ADAMTSL1: variants seen among roughly 807,000 people sequenced by gnomAD.
The protein encoded by ADAMTSL1 is ADAMTS-like protein 1.
In ADAMTSL1, 126 loss-of-function variants were observed where a neutral mutation model predicts 201.8. That is an observed-to-expected ratio of 0.62 (90% CI 0.54 to 0.72). ADAMTSL1 has a LOEUF of 0.72. Among genes scored for constraint, ADAMTSL1 ranks in the 30% least tolerant of loss-of-function variants. ADAMTSL1 has a pLI of 0.00. For missense variants in ADAMTSL1, 2,679 were observed against 2,277.8 expected, an observed-to-expected ratio of 1.18 and a Z score of -3.59; for synonymous variants, 1,121 against 903.4, an observed-to-expected ratio of 1.24 and a Z score of -4.32.
intron 4 of ADAMTSL1, among the ~76,000 whole-genome samples, chr9:18,617,650 ATAAG>A (rs541675812): frequency 9.9e-4 from 151 of 152,318 alleles, no homozygotes; most frequent in African/African-American, 3.5e-3. Context: ...ATATATGTAT[ATAAG>A]AGAGGGTACA....
intron 2 of ADAMTSL1, among the ~76,000 whole-genome samples, chr9:18,414,005 AC>A (rs1194378693): frequency 6.6e-6 from 1 of 152,238 alleles, no homozygotes; most frequent in African/African-American, 2.4e-5. Flanking sequence ...ACAGTGAGTG[AC>A]AAAAGAGCAA....
intron 19 of ADAMTSL1, among the ~76,000 whole-genome samples, chr9:18,781,414 C>A (rs947704864): frequency 2.6e-5 from 4 of 152,276 alleles, no homozygotes; most frequent in African/African-American, 9.6e-5. Flanking sequence ...CCTTTCTGAC[C>A]TTTGACATCA....
rs1406356648 is a variant in ADAMTSL1, at chr9:17,911,620, G to T, written c.87+4698G>T. 2.6e-4 allele frequency among the ~76,000 whole-genome samples: 18 copies of T among 68,490 alleles called. 8 individuals carry two copies. Among genetic ancestry groups the T allele is most frequent in the Non-Finnish European group, 4.9e-4 (11 of 22,362 alleles). 44.9% of individuals were successfully genotyped at this position (68,490 alleles called of 152,430 possible). On this transcript the variant is annotated intron_variant, in intron 1 of 29. Coordinates refer to the ADAMTSL1 transcript ENST00000680146. ...TTCAGTAATAAAATAAATACTTCCTGGTTGGCTGGAAAGAATTGCGCCTTT... is the reference window on the plus strand; with the variant it reads ...TTCAGTAATAAAATAAATACTTCCTTGTTGGCTGGAAAGAATTGCGCCTTT...
At chr9:18,780,916 T>C (rs550050599) in intron 19 of ADAMTSL1, among the ~76,000 whole-genome samples, 28 of 152,358 alleles carry the variant, frequency 1.8e-4, no homozygotes, top group African/African-American at 6.7e-4. Flanking sequence ...CTTTTAAGCA[T>C]TCCAATGTGT....
chr9:18,187,145 C>T (rs544361971), intron 2 of ADAMTSL1, among the ~76,000 whole-genome samples: 2 of 152,234 alleles, frequency 1.3e-5, no homozygotes, highest in South Asian at 4.1e-4. Flanking sequence ...TGCAGCCCCT[C>T]AGTCATGGGC....
At chr9:18,665,937 C>A (rs1164269117) in intron 9 of ADAMTSL1, among the ~76,000 whole-genome samples, 12 of 152,110 alleles carry the variant, frequency 7.9e-5, no homozygotes, top group Non-Finnish European at 1.5e-5. Context: ...CGCAGATAAC[C>A]TCTGTTAATG....
chr9:18,847,327 T>C (rs7859917), intron 23 of ADAMTSL1, among the ~76,000 whole-genome samples: 63,059 of 151,974 alleles, frequency 0.41, 14,376 homozygotes, highest in African/African-American at 0.62. Context: ...TTCCATGCAC[T>C]GATACAACAG....
intron 20 of ADAMTSL1, among the ~76,000 whole-genome samples, chr9:18,800,018 C>T (rs1822683394): frequency 6.6e-6 from 1 of 152,070 alleles, no homozygotes; most frequent in African/African-American, 2.4e-5. Context: ...GAGTTAGGCT[C>T]ACAGAGGACC....
chr9:18,252,895 T>C (rs1436856102), intron 2 of ADAMTSL1, among the ~76,000 whole-genome samples: 1 of 152,182 alleles, frequency 6.6e-6, no homozygotes, highest in African/African-American at 2.4e-5. Context: ...GGAGAATCTC[T>C]GGAAAGCAAG....
intron 2 of ADAMTSL1, among the ~76,000 whole-genome samples, chr9:18,517,384 A>T (rs977217138): frequency 6.6e-6 from 1 of 151,542 alleles, no homozygotes; most frequent in Non-Finnish European, 1.5e-5. Flanking sequence ...ATTTAATTTC[A>T]TTTTAAACTT....
chr9:18,235,086 T>C (rs1252357068), intron 2 of ADAMTSL1, among the ~76,000 whole-genome samples: 1 of 152,218 alleles, frequency 6.6e-6, no homozygotes, highest in East Asian at 1.9e-4. Context: ...TTCATTTCTC[T>C]TTCCCTAATT....
At chr9:18,782,305 T>G (rs1193737683) in intron 19 of ADAMTSL1, among the ~76,000 whole-genome samples, 3 of 152,210 alleles carry the variant, frequency 2.0e-5, no homozygotes, top group Non-Finnish European at 4.4e-5. Context: ...CAGGTATACA[T>G]CGACTTGCTG....
intron 10 of ADAMTSL1, among the ~76,000 whole-genome samples, chr9:18,679,628 C>G (rs931919968): frequency 6.6e-6 from 1 of 152,172 alleles, no homozygotes. Flanking sequence ...CCAAGAGTTA[C>G]TTACTGGAGG....
intron 1 of ADAMTSL1, among the ~76,000 whole-genome samples, chr9:18,136,314 A>G (rs1156287750): frequency 2.6e-5 from 4 of 152,188 alleles, no homozygotes; most frequent in Non-Finnish European, 5.9e-5. Context: ...AATGCAGGCA[A>G]TCAGCTGCCA....
At chr9:18,712,979 A>G (rs1177561128) in intron 14 of ADAMTSL1, among the ~76,000 whole-genome samples, 5 of 151,748 alleles carry the variant, frequency 3.3e-5, no homozygotes, top group Non-Finnish European at 5.9e-5. Flanking sequence ...TCAACCCAGA[A>G]TTTCATATCC....
At chr9:18,699,401 T>C (rs1038242887) in intron 13 of ADAMTSL1, among the ~76,000 whole-genome samples, 1 of 150,664 alleles carries the variant, frequency 6.6e-6, no homozygotes, top group Non-Finnish European at 1.5e-5. Flanking sequence ...CAGAGCTCAC[T>C]GTAACCTTGA....
intron 1 of ADAMTSL1, among the ~76,000 whole-genome samples, chr9:18,154,032 CTG>C (rs1389598799): frequency 6.6e-6 from 1 of 152,016 alleles, no homozygotes; most frequent in Admixed American, 6.6e-5. Context: ...TGCTAAAAGA[CTG>C]TTATTCTTCC....
chr9:17,915,070 G>A (rs1441730696), intron 1 of ADAMTSL1, among the ~76,000 whole-genome samples: 1 of 152,052 alleles, frequency 6.6e-6, no homozygotes, highest in African/African-American at 2.4e-5. Context: ...ATGGCATAAG[G>A]TATACTGCAC....
At chr9:18,506,706 G>A (rs1176912900) in intron 2 of ADAMTSL1, among the ~76,000 whole-genome samples, 1 of 152,092 alleles carries the variant, frequency 6.6e-6, no homozygotes, top group East Asian at 1.9e-4. Flanking sequence ...TAGAAAAGTA[G>A]AATGTAAATG....
Sources: gnomAD v4.1 joint callset for allele counts (sites outside exome capture counted in the v4.1 genomes callset) on GRCh38, gnomAD v4.1.1 for gene constraint, MANE v1.5 for transcripts, NCBI Gene and HGNC (gene_info 2026-07-23, HGNC 2026-07-21) for gene names.